Variants in THSD1 observed in about 807,000 individuals in gnomAD.
The protein encoded by THSD1 is thrombospondin type 1 domain containing 1.
Under a neutral mutation model 46.3 loss-of-function variants are expected in THSD1, and 34 were observed. The observed-to-expected ratio is 0.74, with a 90% CI of 0.56 to 0.98. The LOEUF (loss-of-function observed/expected upper bound fraction) is 0.98. Among genes scored for constraint, THSD1 ranks in the 50% least tolerant of loss-of-function variants. The probability of loss-of-function intolerance (pLI) is 0.00; values close to 1 mark genes in which losing one functional copy is unlikely to be tolerated. For missense variants in THSD1, 1,023 were observed against 1,058.3 expected (o/e 0.97, Z 0.46); for synonymous variants, 407 against 416.5 (o/e 0.98, Z 0.28).
Position 52,378,158 on chromosome 13 carries a change from G to A in THSD1, c.1812C>T (p.Pro604=), listed in dbSNP as rs533299802. The A allele has an allele frequency of 1.4e-5, 22 of 1,614,172 alleles. No homozygotes were observed. In the Admixed American group the frequency reaches 2.8e-4, roughly 21 times the overall value. The change falls in exon 5 of 5, where the codon CCC becomes CCT. Residue 604 remains proline, a synonymous_variant. Transcript: ENST00000258613. ...QPAVSAGERP[P]SRLDLNVTQA... ...GAGTCACATTTAGATCCAGCCTGGA[G>A]GGAGGCCTTTCCCCGGCACTGACCG... is the stretch of plus-strand genomic sequence containing the variant.
chr13:52,378,418 A>T lies in THSD1; in HGVS notation c.1552T>A (p.Ser518Thr). ...DDASGSESFQ[S>T]NAQKIIPPLF... The stretch of plus-strand genomic sequence containing the variant: ...GGTGGGATTATCTTCTGGGCGTTGG[A>T]CTGGAAGCTCTCGCTGCCAGAGGCA... The change falls in exon 5 of 5, where the codon TCC becomes ACC. Residue 518 changes from serine (S) to threonine (T), a missense_variant. Transcript: ENST00000258613. 1.2e-6 allele frequency: 2 copies of T among 1,613,932 alleles called. No individual in the cohort carries two copies. The highest frequency in any genetic ancestry group is 1.7e-6 in the Non-Finnish European group (2 of 1,179,996).
rs146120650 is a variant in THSD1 at position 52,382,229 on chromosome 13, C to G, written c.1181-3440G>C. ...GTGCTTCCTCTGATATATCTGATCT[C>G]AAAGGAATGGAATCACAGTTCACAC... is the stretch of plus-strand genomic sequence containing the variant. On this transcript the variant is annotated intron_variant, in intron 4 of 4. Coordinates refer to ENST00000258613, the MANE Select transcript of THSD1 (RefSeq NM_018676.4). Among the ~76,000 whole-genome samples the G allele has an allele frequency of 6.9e-3, 1,058 of 152,280 alleles. 16 individuals carry two copies. Among genetic ancestry groups the G allele is most frequent in the African/African-American group, 0.023 (955 of 41,548 alleles).
In THSD1 at chr13:52,378,788, AGCTGC is replaced by A; in HGVS notation, c.1181-4_1181del. On this transcript the variant is annotated splice_acceptor_variant and splice_polypyrimidine_tract_variant and coding_sequence_variant and intron_variant, in exon 5 of 5. Transcript: ENST00000258613. LOFTEE classifies it high-confidence loss of function. ...GAGGAGATGGGCTGGATGGCTGGAA[AGCTGC>A]AAAAAAAAACAAAACAAAACAAACA... 1 of 1,523,330 alleles carries A rather than the reference AGCTGC, an allele frequency of 6.6e-7. No homozygotes were observed. Among genetic ancestry groups the A allele is most frequent in the Admixed American group, 2.1e-5 (1 of 47,138 alleles). The allele number at this position is 1,523,330 out of a possible 1,614,324, so 94.4% of individuals were successfully genotyped here. A position where few individuals can be genotyped will look rare whatever the true frequency, so the allele number is the denominator to read the frequency against.
Position 52,386,189 on chromosome 13 carries a change from G to T in THSD1, c.1022-3C>A. On this transcript the variant is annotated splice_region_variant and splice_polypyrimidine_tract_variant and intron_variant, in intron 3 of 4. Coordinates refer to ENST00000258613, the MANE Select transcript of THSD1 (RefSeq NM_018676.4). Reference sequence around the variant, plus strand: ...TGGCTGCCACAGTCCCCAAGTTTCTGCAAGGATATAAGTTATGCTTTTAAT... The same window carrying T: ...TGGCTGCCACAGTCCCCAAGTTTCTTCAAGGATATAAGTTATGCTTTTAAT... The T allele has an allele frequency of 1.2e-6, 2 of 1,613,834 alleles. No homozygotes were observed. Among genetic ancestry groups the T allele is most frequent in the Non-Finnish European group, 1.7e-6 (2 of 1,179,870 alleles).
At chr13:52,391,283 C>G (rs1002701635) in intron 3 of THSD1, among the ~76,000 whole-genome samples, 2 of 151,110 alleles carry the variant, frequency 1.3e-5, no homozygotes, top group Non-Finnish European at 2.9e-5. Flanking sequence ...GTGGTGTGAT[C>G]GTGCCTTACT....
chr13:52,403,038 GCT>G (rs1276385736), intron 1 of THSD1: 1 of 771,248 alleles, frequency 1.3e-6, no homozygotes, highest in Admixed American at 6.2e-5. Context: ...TTATTTATCT[GCT>G]TGGCATTTCA....
intron 4 of THSD1, chr13:52,384,201 A>AG (rs1957713492): frequency 1.0e-5 from 3 of 300,642 alleles, no homozygotes; most frequent in African/African-American, 2.3e-5. Context: ...AAAAAAAAAA[A>AG]AAGAAGAAGA....
At chr13:52,385,558 A>G (rs1957724641) in intron 4 of THSD1, among the ~76,000 whole-genome samples, 1 of 148,676 alleles carries the variant, frequency 6.7e-6, no homozygotes, top group Non-Finnish European at 1.5e-5. Flanking sequence ...TAGGCCACTC[A>G]GGGTATAGGA....
In THSD1 at chr13:52,378,128, G is replaced by T; in HGVS notation, c.1842C>A (p.Ala614=). The T allele has an allele frequency of 1.3e-5, 21 of 1,614,174 alleles. No homozygotes were observed. The highest frequency in any genetic ancestry group is 1.8e-5 in the Non-Finnish European group (21 of 1,180,038). ...TCTGGCTGGGGCTTATGGCACAACTGGCCTGAGTCACATTTAGATCCAGCC... is the reference window on the plus strand; with the variant it reads ...TCTGGCTGGGGCTTATGGCACAACTTGCCTGAGTCACATTTAGATCCAGCC... ...PSRLDLNVTQ[A]SCAISPSQTL... The change falls in exon 5 of 5, where the codon GCC becomes GCA. Residue 614 remains alanine (A), a synonymous_variant. Transcript: ENST00000258613.
chr13:52,392,397 A>T (rs1018809797), intron 3 of THSD1, among the ~76,000 whole-genome samples: 1 of 152,216 alleles, frequency 6.6e-6, no homozygotes, highest in African/African-American at 2.4e-5. Context: ...GATCCCTGAG[A>T]TCTCCGCTAA....
intron 3 of THSD1, among the ~76,000 whole-genome samples, chr13:52,396,496 A>G (rs1957813050): frequency 6.6e-6 from 1 of 152,168 alleles, no homozygotes; most frequent in Admixed American, 6.5e-5. Flanking sequence ...CACTCCATCC[A>G]GTCTGGGCGA....
At chr13:52,386,689 G>A (rs1957733166) in intron 3 of THSD1, among the ~76,000 whole-genome samples, 1 of 152,166 alleles carries the variant, frequency 6.6e-6, no homozygotes, top group Admixed American at 6.5e-5. Flanking sequence ...GCAGATGCAA[G>A]ACCAGACAAA....
At chr13:52,391,398 T>C (rs1957772177) in intron 3 of THSD1, among the ~76,000 whole-genome samples, 2 of 151,934 alleles carry the variant, frequency 1.3e-5, no homozygotes, top group Non-Finnish European at 2.9e-5. Flanking sequence ...TTGCATTTTC[T>C]GTAGAGATGG....
chr13:52,378,173 G>A lies in THSD1; in HGVS notation c.1797C>T (p.Ala599=), dbSNP rs752492703. 16 of 1,614,158 alleles carry A rather than the reference G, an allele frequency of 9.9e-6. No homozygotes were observed. In the Admixed American group the frequency reaches 1.2e-4, roughly 12 times the overall value. The change falls in exon 5 of 5, where the codon GCC becomes GCT. Residue 599 remains alanine (A), a synonymous_variant. Coordinates refer to ENST00000258613, the MANE Select transcript of THSD1 (RefSeq NM_018676.4). ...SPFPEQPAVS[A]GERPPSRLDL... ...CCAGCCTGGAGGGAGGCCTTTCCCC[G>A]GCACTGACCGCGGGCTGCTCCGGAA...
In THSD1 at chr13:52,397,689, T is replaced by C; in HGVS notation, c.564A>G (p.Ile188Met). The change falls in exon 3 of 5, where the codon ATA becomes ATG. Residue 188 changes from isoleucine to methionine, a missense_variant. Coordinates refer to ENST00000258613, the MANE Select transcript of THSD1 (RefSeq NM_018676.4). ...ARRNSRQPLE[I>M]RTSKRTELAQ... ...CAAGTTCTGTCCTTTTGCTGGTTCTTATTTCCAGCGGCTGTCTTGAATTTC... is the reference window on the plus strand; with the variant it reads ...CAAGTTCTGTCCTTTTGCTGGTTCTCATTTCCAGCGGCTGTCTTGAATTTC... 1 of 1,614,226 alleles carries C rather than the reference T, an allele frequency of 6.2e-7. No homozygotes were observed. Among genetic ancestry groups the C allele is most frequent in the Non-Finnish European group, 8.5e-7 (1 of 1,180,046 alleles).
chr13:52,384,499 C>T (rs1262723346), intron 4 of THSD1: 1 of 445,280 alleles, frequency 2.2e-6, no homozygotes, highest in Non-Finnish European at 4.5e-6. Context: ...AGGCAGTAAG[C>T]TCTCAAGAGG....
chr13:52,401,861 A>C (rs1244180148), intron 2 of THSD1, among the ~76,000 whole-genome samples: 1 of 152,208 alleles, frequency 6.6e-6, no homozygotes, highest in African/African-American at 2.4e-5. Flanking sequence ...TGTCTATGAA[A>C]TATTTGGAAA....
chr13:52,401,225 G>A (rs748572338), intron 2 of THSD1, among the ~76,000 whole-genome samples: 8 of 152,082 alleles, frequency 5.3e-5, no homozygotes, highest in Non-Finnish European at 8.8e-5. Flanking sequence ...TGCCCGCCTC[G>A]GCTTCCCAAA....
chr13:52,403,938 A>ATTTTTTTTT (rs67802176), intron 1 of THSD1, among the ~76,000 whole-genome samples: 3 of 63,882 alleles, frequency 4.7e-5, no homozygotes, highest in African/African-American at 2.4e-4. Context: ...CATTATTCAC[A>ATTTTTTTTT]TTTTTTTTTT....
Sources: gnomAD v4.1 joint callset for allele counts (sites outside exome capture counted in the v4.1 genomes callset) on GRCh38, gnomAD v4.1.1 for gene constraint, MANE v1.5 for transcripts, NCBI Gene and HGNC (gene_info 2026-07-23, HGNC 2026-07-21) for gene names.